ANK3: variants seen among roughly 807,000 people sequenced by gnomAD.
ANK3 encodes the protein ankyrin 3.
In ANK3, 57 loss-of-function variants were observed where a neutral mutation model predicts 370.9. The ratio of observed to expected loss-of-function variants is 0.15; its 90% CI spans 0.12 to 0.19. The LOEUF (loss-of-function observed/expected upper bound fraction) is 0.19. ANK3 is among the 10% of genes least tolerant of loss of function. The pLI, the probability that ANK3 is intolerant of heterozygous loss-of-function variation, is 1.00. For synonymous variants in ANK3, 1,929 were observed against 1,946.3 expected (o/e 0.99, Z 0.23); for missense variants, 4,439 against 5,302.1 (o/e 0.84, Z 5.06).
At chr10:60,193,481 C>A (rs1427529561) in intron 16 of ANK3, among the ~76,000 whole-genome samples, 1 of 147,420 alleles carries the variant, frequency 6.8e-6, no homozygotes, top group African/African-American at 2.5e-5. Context: ...CATGAAGAAA[C>A]CCCATCTCTA....
At chr10:60,481,764 A>G (rs1377389925) in intron 2 of ANK3, among the ~76,000 whole-genome samples, 2 of 152,020 alleles carry the variant, frequency 1.3e-5, no homozygotes, top group African/African-American at 4.8e-5. Flanking sequence ...GCACCCGGCC[A>G]CAAGCCAGAT....
intron 1 of ANK3, among the ~76,000 whole-genome samples, chr10:60,727,938 G>A (rs2079965562): frequency 6.6e-6 from 1 of 151,570 alleles, no homozygotes; most frequent in African/African-American, 2.4e-5. Flanking sequence ...ACATAAGTTT[G>A]AAAAAAAATA....
At chr10:60,165,796 C>G (rs975597059) in intron 23 of ANK3, among the ~76,000 whole-genome samples, 1 of 152,112 alleles carries the variant, frequency 6.6e-6, no homozygotes, top group African/African-American at 2.4e-5. Flanking sequence ...TTGATGATCT[C>G]CCATCATTTG....
chr10:60,191,966 T>G (rs942224759), intron 16 of ANK3, among the ~76,000 whole-genome samples: 4 of 152,170 alleles, frequency 2.6e-5, no homozygotes, highest in African/African-American at 9.6e-5. Context: ...TGGAGTGCAG[T>G]GGCGCGGTCT....
At chr10:60,062,996 G>A (rs17208182) in intron 40 of ANK3, 115 bp downstream of exon 40, 1 of 1,095,418 alleles carries the variant, frequency 9.1e-7, no homozygotes, top group Non-Finnish European at 1.3e-6. Context: ...CAGAGAAAAT[G>A]AGAAACTAAG....
intron 1 of ANK3, among the ~76,000 whole-genome samples, chr10:60,730,777 G>C (rs1011741133): frequency 3.9e-5 from 6 of 152,172 alleles, no homozygotes; most frequent in African/African-American, 1.4e-4. Flanking sequence ...GATCTGATTA[G>C]ATCTTTAGTA....
At chr10:60,559,239 G>T (rs2077279861) in intron 2 of ANK3, among the ~76,000 whole-genome samples, 1 of 152,136 alleles carries the variant, frequency 6.6e-6, no homozygotes, top group African/African-American at 2.4e-5. Flanking sequence ...TGTACCCATT[G>T]TATAGTCTTT....
chr10:60,307,888 G>T (rs1419086572), intron 1 of ANK3, among the ~76,000 whole-genome samples: 2 of 152,128 alleles, frequency 1.3e-5, no homozygotes, highest in Non-Finnish European at 1.5e-5. Context: ...TATATAATTT[G>T]CTCTGTTCAA....
Position 60,074,035 on chromosome 10 carries a change from G to A in ANK3, c.6846C>T (p.Ser2282=), listed in dbSNP as rs577817541. 1.5e-4 allele frequency: 249 copies of A among 1,614,030 alleles called. 2 individuals carry two copies. In the East Asian group the frequency reaches 5.0e-3, roughly 33 times the overall value. ...CCAGTTCTTTGGAAGGATCCCGCCC[G>A]GACTGAAAGGCCTTCATGATGTCAT... is the stretch of plus-strand genomic sequence containing the variant. ...SVHDIMKAFQ[S]GRDPSKELAG... Residue 2282 remains serine (S), a synonymous_variant, in exon 37 of 44, where the codon TCC becomes TCT. Coordinates refer to ENST00000280772, the MANE Select transcript of ANK3 (RefSeq NM_020987.5).
chr10:60,722,338 G>A (rs1255162618), intron 1 of ANK3, among the ~76,000 whole-genome samples: 1 of 152,062 alleles, frequency 6.6e-6, no homozygotes, highest in East Asian at 1.9e-4. Context: ...CACCAGCTCA[G>A]GAGACTGAGG....
intron 1 of ANK3, among the ~76,000 whole-genome samples, chr10:60,711,281 A>G (rs1816798): frequency 0.15 from 22,337 of 152,212 alleles, 2,079 homozygotes; most frequent in South Asian, 0.26. Context: ...TGATTGGATT[A>G]TTACACATTG....
At chr10:60,313,185 C>A (rs547628105) in intron 1 of ANK3, among the ~76,000 whole-genome samples, 9 of 152,270 alleles carry the variant, frequency 5.9e-5, no homozygotes, top group Non-Finnish European at 1.0e-4. Context: ...CAGGACCCTG[C>A]GGATAACATG....
chr10:60,635,157 T>A lies in ANK3; in HGVS notation c.58-19933A>T, dbSNP rs189590647. On this transcript the variant is annotated intron_variant, in intron 1 of 43. Transcript: ENST00000373827. Reference sequence around the variant, plus strand: ...GAGTTAAACTTCAGGTTTATTTCAGTTTTCTTAACTCTCTATCCTATCTAC... The same window carrying A: ...GAGTTAAACTTCAGGTTTATTTCAGATTTCTTAACTCTCTATCCTATCTAC... 3.3e-5 allele frequency among the ~76,000 whole-genome samples: 5 copies of A among 152,040 alleles called. No individual in the cohort carries two copies. The South Asian group carries it at 8.3e-4, about 25-fold the overall frequency.
intron 7 of ANK3, among the ~76,000 whole-genome samples, chr10:60,247,166 C>A (rs990250149): frequency 6.6e-6 from 1 of 151,986 alleles, no homozygotes; most frequent in African/African-American, 2.4e-5. Context: ...CAGGTGCCCG[C>A]CACCACGCCC....
chr10:60,488,010 T>A (rs2075394974), intron 2 of ANK3, among the ~76,000 whole-genome samples: 2 of 152,240 alleles, frequency 1.3e-5, no homozygotes, highest in South Asian at 4.1e-4. Context: ...CCTGGGCATC[T>A]CATCAAACTT....
intron 4 of ANK3, among the ~76,000 whole-genome samples, chr10:60,272,960 T>C (rs769009905): frequency 6.6e-6 from 1 of 152,180 alleles, no homozygotes; most frequent in African/African-American, 2.4e-5. Context: ...TGTCCACTGT[T>C]CTCACAGTTT....
intron 2 of ANK3, among the ~76,000 whole-genome samples, chr10:60,551,831 G>T (rs150387282): frequency 4.3e-4 from 66 of 152,146 alleles, no homozygotes; most frequent in African/African-American, 1.5e-3. Flanking sequence ...TTCATATTCA[G>T]AGTCCTACTC....
intron 1 of ANK3, among the ~76,000 whole-genome samples, chr10:60,381,577 G>A (rs991060488): frequency 1.3e-5 from 2 of 152,120 alleles, no homozygotes; most frequent in South Asian, 4.1e-4. Flanking sequence ...CTTATAAGGT[G>A]CAAAAGTTGT....
intron 2 of ANK3, among the ~76,000 whole-genome samples, chr10:60,447,646 T>G (rs1349142801): frequency 6.6e-6 from 1 of 152,200 alleles, no homozygotes; most frequent in African/African-American, 2.4e-5. Context: ...ATTTTCCTGC[T>G]GAATGTCAAA....
Sources: allele counts gnomAD v4.1 joint callset (sites outside exome capture counted in the v4.1 genomes callset), GRCh38; gene constraint gnomAD v4.1.1; transcripts MANE v1.5; gene names NCBI Gene and HGNC (gene_info 2026-07-23, HGNC 2026-07-21).